The following ST6GALNAC3 variants were observed in gnomAD, a reference collection of about 807,000 sequenced individuals.
ST6GALNAC3 encodes the protein alpha-N-acetylgalactosaminide alpha-2,6-sialyltransferase 3.
ST6GALNAC3 carries 25 observed loss-of-function variants against 32.7 expected under a neutral mutation model. That is an observed-to-expected ratio of 0.76 (90% CI 0.56 to 1.07). The LOEUF (loss-of-function observed/expected upper bound fraction) is 1.07, where lower values mean the gene tolerates loss of function less well. Ranked by LOEUF, ST6GALNAC3 falls within the 50% of genes least tolerant of loss-of-function variation. The pLI, the probability that ST6GALNAC3 is intolerant of heterozygous loss-of-function variation, is 0.00. For missense variants in ST6GALNAC3, 355 were observed against 382.4 expected, an observed-to-expected ratio of 0.93 and a Z score of 0.60; for synonymous variants, 129 against 133.1, an observed-to-expected ratio of 0.97 and a Z score of 0.21.
At chr1:76,459,130 G>A (rs1300905496) in intron 3 of ST6GALNAC3, among the ~76,000 whole-genome samples, 2 of 152,166 alleles carry the variant, frequency 1.3e-5, no homozygotes, top group African/African-American at 4.8e-5. Flanking sequence ...AAGTTTTATA[G>A]AAATAATCTC....
intron 1 of ST6GALNAC3, among the ~76,000 whole-genome samples, chr1:76,086,438 G>A (rs926355645): frequency 6.6e-6 from 1 of 152,164 alleles, no homozygotes; most frequent in Non-Finnish European, 1.5e-5. Flanking sequence ...TGCTGATTTA[G>A]TCTCTTCCTA....
At chr1:76,475,210 G>A (rs1188811433) in intron 3 of ST6GALNAC3, among the ~76,000 whole-genome samples, 3 of 152,196 alleles carry the variant, frequency 2.0e-5, no homozygotes, top group African/African-American at 4.8e-5. Flanking sequence ...AAGGGAGACA[G>A]TGTAGTTTAA....
chr1:76,548,948 C>A (rs1664459223), intron 3 of ST6GALNAC3, among the ~76,000 whole-genome samples: 1 of 152,104 alleles, frequency 6.6e-6, no homozygotes, highest in Admixed American at 6.5e-5. Context: ...ATAGCAGGTA[C>A]TTAATAAACA....
Position 76,496,669 on chromosome 1 carries a change from AG to A in ST6GALNAC3, c.623+84254del, listed in dbSNP as rs540918975. 2.2e-3 allele frequency among the ~76,000 whole-genome samples: 337 copies of A among 152,224 alleles called. 4 individuals are homozygous for A. In the South Asian group the frequency reaches 0.028, roughly 13 times the overall value. On this transcript the variant is annotated intron_variant, in intron 3 of 4. Coordinates refer to ENST00000328299, the MANE Select transcript of ST6GALNAC3 (RefSeq NM_152996.4). The stretch of plus-strand genomic sequence containing the variant: ...CCAAGAGAGGACACCCATCTCAAAA[AG>A]GTTTGCTTTCCTGTGGAGTAAGAGG...
chr1:76,542,208 G>A (rs1377458481), intron 3 of ST6GALNAC3, among the ~76,000 whole-genome samples: 1 of 152,112 alleles, frequency 6.6e-6, no homozygotes, highest in Non-Finnish European at 1.5e-5. Flanking sequence ...GGATGGCTGG[G>A]CTAATAATAC....
At chr1:76,124,191 C>G (rs1236190612) in intron 1 of ST6GALNAC3, among the ~76,000 whole-genome samples, 6 of 152,138 alleles carry the variant, frequency 3.9e-5, no homozygotes, top group South Asian at 2.1e-4. Context: ...CAGGTGAGCC[C>G]CAGCTGGGCA....
chr1:76,618,790 CCTCTACTGGACACCATCACAATGTTGA>C (rs1349901479), intron 3 of ST6GALNAC3, among the ~76,000 whole-genome samples: 2 of 152,126 alleles, frequency 1.3e-5, no homozygotes, highest in African/African-American at 4.8e-5. Flanking sequence ...CTTCTTAAAA[CCTCTACTGGACACCATCACAATGTTGA>C]CTCTTCGCAT....
chr1:76,144,386 C>A (rs964825315), intron 1 of ST6GALNAC3, among the ~76,000 whole-genome samples: 1 of 152,244 alleles, frequency 6.6e-6, no homozygotes. Flanking sequence ...CACTTCTACT[C>A]AGGGACTACA....
chr1:76,498,818 A>G (rs191508287), intron 3 of ST6GALNAC3, among the ~76,000 whole-genome samples: 1 of 152,164 alleles, frequency 6.6e-6, no homozygotes, highest in Non-Finnish European at 1.5e-5. Flanking sequence ...TTGGCTGGAA[A>G]GTGTCTGGGA....
At chr1:76,528,341 G>A (rs929315201) in intron 3 of ST6GALNAC3, among the ~76,000 whole-genome samples, 11 of 152,070 alleles carry the variant, frequency 7.2e-5, no homozygotes, top group African/African-American at 2.4e-4. Flanking sequence ...AGATTGAGAC[G>A]CTTGCCTAAG....
intron 3 of ST6GALNAC3, among the ~76,000 whole-genome samples, chr1:76,418,719 G>C (rs746305241): frequency 2.4e-4 from 37 of 151,892 alleles, no homozygotes; most frequent in Non-Finnish European, 3.7e-4. Context: ...CATCCCAGCT[G>C]GTGTATTTGG....
At chr1:76,304,810 A>G (rs1036500167) in intron 1 of ST6GALNAC3, among the ~76,000 whole-genome samples, 3 of 152,054 alleles carry the variant, frequency 2.0e-5, no homozygotes, top group African/African-American at 7.2e-5. Context: ...CCCTAATGAC[A>G]CCAGGACCAC....
intron 3 of ST6GALNAC3, among the ~76,000 whole-genome samples, chr1:76,492,635 A>T (rs1334818030): frequency 2.0e-5 from 3 of 152,164 alleles, no homozygotes; most frequent in African/African-American, 4.8e-5. Flanking sequence ...ATGTAGATGC[A>T]CCAACCTAAT....
chr1:76,088,462 C>A (rs1269152076), intron 1 of ST6GALNAC3, among the ~76,000 whole-genome samples: 3 of 152,166 alleles, frequency 2.0e-5, no homozygotes, highest in Non-Finnish European at 4.4e-5. Context: ...AATTTCCAAT[C>A]AGATCAACTT....
chr1:76,527,625 A>C (rs1662994759), intron 3 of ST6GALNAC3, among the ~76,000 whole-genome samples: 2 of 152,104 alleles, frequency 1.3e-5, no homozygotes, highest in African/African-American at 4.8e-5. Context: ...GACACTGTCA[A>C]GTCTCTTTAT....
chr1:76,581,160 G>A (rs1021924768), intron 3 of ST6GALNAC3, among the ~76,000 whole-genome samples: 9 of 152,008 alleles, frequency 5.9e-5, no homozygotes, highest in South Asian at 4.2e-4. Flanking sequence ...ATTACCTCAC[G>A]GCCTCAAAGG....
chr1:76,551,936 A>C (rs899919763), intron 3 of ST6GALNAC3, among the ~76,000 whole-genome samples: 1 of 152,166 alleles, frequency 6.6e-6, no homozygotes, highest in Non-Finnish European at 1.5e-5. Context: ...TGTTGGGGGC[A>C]GTGGGGTCAC....
chr1:76,613,982 G>A (rs1223385227), intron 3 of ST6GALNAC3, among the ~76,000 whole-genome samples: 1 of 152,202 alleles, frequency 6.6e-6, no homozygotes, highest in Non-Finnish European at 1.5e-5. Context: ...ACACATCATG[G>A]AGTCTCTCTG....
At chr1:76,199,596 G>A (rs368011464) in intron 1 of ST6GALNAC3, among the ~76,000 whole-genome samples, 1 of 152,266 alleles carries the variant, frequency 6.6e-6, no homozygotes, top group African/African-American at 2.4e-5. Context: ...AGGTAGTAAT[G>A]TATTATTTAC....
Sources: allele counts gnomAD v4.1 joint callset (sites outside exome capture counted in the v4.1 genomes callset), GRCh38; gene constraint gnomAD v4.1.1; transcripts MANE v1.5; gene names NCBI Gene and HGNC (gene_info 2026-07-23, HGNC 2026-07-21).